The following TRAPPC9 variants were observed in gnomAD, a reference collection of about 807,000 sequenced individuals.
The protein encoded by TRAPPC9 is trafficking protein particle complex subunit 9.
A neutral mutation model predicts 124.0 loss-of-function variants in TRAPPC9; 83 were observed. That is an observed-to-expected ratio of 0.67 (90% confidence interval 0.56 to 0.80). The LOEUF (loss-of-function observed/expected upper bound fraction) is 0.80. Among genes scored for constraint, TRAPPC9 ranks in the 30% least tolerant of loss-of-function variants. The probability of loss-of-function intolerance (pLI) is 0.00; values close to 1 mark genes in which losing one functional copy is unlikely to be tolerated. For synonymous variants in TRAPPC9, 638 were observed against 617.5 expected, an observed-to-expected ratio of 1.03 and a Z score of -0.49; for missense variants, 1,302 against 1,508.3, an observed-to-expected ratio of 0.86 and a Z score of 2.27.
intron 17 of TRAPPC9, among the ~76,000 whole-genome samples, chr8:140,069,969 T>C (rs1250083734): frequency 6.6e-6 from 1 of 152,126 alleles, no homozygotes; most frequent in African/African-American, 2.4e-5. Context: ...GGGAAGACAA[T>C]TCTCCTCTCC....
At chr8:140,019,006 C>T (rs1020617022) in intron 18 of TRAPPC9, among the ~76,000 whole-genome samples, 1 of 152,158 alleles carries the variant, frequency 6.6e-6, no homozygotes, top group African/African-American at 2.4e-5. Context: ...CTGAGTGTTT[C>T]TGGCATAATT....
At chr8:140,303,769 G>T (rs1563930629) in intron 10 of TRAPPC9, among the ~76,000 whole-genome samples, 1 of 152,188 alleles carries the variant, frequency 6.6e-6, no homozygotes, top group East Asian at 1.9e-4. Flanking sequence ...CCTAGTTCAT[G>T]CTCCCATGCT....
intron 21 of TRAPPC9, among the ~76,000 whole-genome samples, chr8:139,802,535 T>C (rs1823610439): frequency 6.6e-6 from 1 of 152,170 alleles, no homozygotes; most frequent in Admixed American, 6.5e-5. Context: ...TCCTTCAACT[T>C]TGAAATGAGG....
intron 17 of TRAPPC9, among the ~76,000 whole-genome samples, chr8:140,145,656 G>A (rs145606903): frequency 6.2e-4 from 94 of 151,972 alleles, no homozygotes; most frequent in African/African-American, 2.1e-3. Flanking sequence ...ATTTTATCTC[G>A]GGCAGATTTC....
At chr8:140,128,402 T>C (rs1434399261) in intron 17 of TRAPPC9, among the ~76,000 whole-genome samples, 1 of 152,234 alleles carries the variant, frequency 6.6e-6, no homozygotes, top group Non-Finnish European at 1.5e-5. Flanking sequence ...GGTCACCCTG[T>C]GCCCAGCCAG....
chr8:139,753,058 A>G (rs537035507), intron 21 of TRAPPC9, among the ~76,000 whole-genome samples: 13 of 127,536 alleles, frequency 1.0e-4, no homozygotes, highest in Admixed American at 5.3e-4. Context: ...CCATCCATCC[A>G]CCCACCCACC....
intron 22 of TRAPPC9, 25 bp from the exon 23 acceptor site, chr8:139,731,253 T>A (rs559941373): frequency 1.9e-6 from 3 of 1,611,312 alleles, no homozygotes; most frequent in African/African-American, 1.3e-5. Context: ...GAAAGACACA[T>A]CAGTCTGGTC....
chr8:140,060,070 G>A (rs1325226424), intron 17 of TRAPPC9, among the ~76,000 whole-genome samples: 1 of 152,154 alleles, frequency 6.6e-6, no homozygotes, highest in Non-Finnish European at 1.5e-5. Context: ...TCTGAATGTC[G>A]CTGTCATCCT....
chr8:140,424,925 A>C (rs781434401), intron 5 of TRAPPC9, among the ~76,000 whole-genome samples: 1 of 152,180 alleles, frequency 6.6e-6, no homozygotes, highest in Non-Finnish European at 1.5e-5. Context: ...AATCAAATGA[A>C]AGTGATGTAA....
chr8:140,306,800 A>G (rs1451539248), intron 10 of TRAPPC9, among the ~76,000 whole-genome samples: 4 of 152,228 alleles, frequency 2.6e-5, no homozygotes, highest in African/African-American at 9.6e-5. Flanking sequence ...TTTCCAAGGT[A>G]TGCTTTCTGA....
In TRAPPC9 at chr8:140,373,090, A is replaced by G. The variant is rs544618197; in HGVS notation, c.1135-1910T>C. ...ATTTGTTTTCTCATTCTGTCAACACATATTTACTGAACCCCTACTCTGGTG... is the reference window on the plus strand; with the variant it reads ...ATTTGTTTTCTCATTCTGTCAACACGTATTTACTGAACCCCTACTCTGGTG... On this transcript the variant is annotated intron_variant, in intron 7 of 22. Transcript: ENST00000438773. Among the ~76,000 whole-genome samples, 15 of 152,264 alleles carry G rather than the reference A, an allele frequency of 9.9e-5. No individual in the cohort carries two copies. The South Asian group carries it at 3.1e-3, about 32-fold the overall frequency.
intron 21 of TRAPPC9, among the ~76,000 whole-genome samples, chr8:139,842,305 G>A (rs1276711533): frequency 6.6e-6 from 1 of 152,184 alleles, no homozygotes; most frequent in Non-Finnish European, 1.5e-5. Context: ...TAGGCCCAGA[G>A]CTTCCCACCT....
chr8:140,108,323 G>C (rs1459576488), intron 17 of TRAPPC9, among the ~76,000 whole-genome samples: 1 of 152,216 alleles, frequency 6.6e-6, no homozygotes, highest in Non-Finnish European at 1.5e-5. Context: ...ACGTATCTTA[G>C]ATACCTGGCA....
chr8:139,939,338 G>A lies in TRAPPC9; in HGVS notation c.2811-29038C>T, dbSNP rs1054270404. The stretch of plus-strand genomic sequence containing the variant: ...GAGTGGACAACACACAGCAAGAGGC[G>A]TGGCGGGCAGGTGCCAGCACCTGAG... On this transcript the variant is annotated intron_variant, in intron 19 of 22. Transcript: ENST00000438773. Among the ~76,000 whole-genome samples the A allele has an allele frequency of 3.3e-5, 5 of 152,236 alleles. No homozygotes were observed. The South Asian group carries it at 6.2e-4, about 19-fold the overall frequency.
chr8:139,794,780 G>A (rs1822931097), intron 21 of TRAPPC9, among the ~76,000 whole-genome samples: 1 of 152,242 alleles, frequency 6.6e-6, no homozygotes, highest in South Asian at 2.1e-4. Flanking sequence ...GCTCAGTAAA[G>A]ACAGCAATCC....
intron 19 of TRAPPC9, among the ~76,000 whole-genome samples, chr8:139,929,544 C>T (rs1833003148): frequency 6.6e-6 from 1 of 152,160 alleles, no homozygotes; most frequent in African/African-American, 2.4e-5. Context: ...CTGAGCTGTC[C>T]TGTGCTTCGG....
intron 21 of TRAPPC9, among the ~76,000 whole-genome samples, chr8:139,799,415 A>ACTGCTT (rs1222060821): frequency 1.3e-5 from 2 of 152,078 alleles, no homozygotes; most frequent in Non-Finnish European, 2.9e-5. Flanking sequence ...CACTGACCAC[A>ACTGCTT]CTGCTTCTTG....
intron 14 of TRAPPC9, among the ~76,000 whole-genome samples, chr8:140,283,063 C>A (rs2131706121): frequency 6.6e-6 from 1 of 151,916 alleles, no homozygotes; most frequent in African/African-American, 2.4e-5. Context: ...CATGGTGAAA[C>A]CCCATCTCTA....
At chr8:140,075,968 G>A (rs75400023) in intron 17 of TRAPPC9, among the ~76,000 whole-genome samples, 38 of 152,182 alleles carry the variant, frequency 2.5e-4, no homozygotes, top group African/African-American at 7.7e-4. Context: ...CTAATGCAAC[G>A]ATAACGAGAA....
Sources: gnomAD v4.1 joint callset for allele counts (sites outside exome capture counted in the v4.1 genomes callset) on GRCh38, gnomAD v4.1.1 for gene constraint, MANE v1.5 for transcripts, NCBI Gene and HGNC (gene_info 2026-07-23, HGNC 2026-07-21) for gene names.